Variants in UNC5D observed in about 807,000 individuals in gnomAD.
The protein encoded by UNC5D is netrin receptor UNC5D.
In UNC5D, 39 loss-of-function variants were observed where a neutral mutation model predicts 105.4. That is an observed-to-expected ratio of 0.37 (90% CI 0.29 to 0.48). The LOEUF is 0.48. Among genes scored for constraint, UNC5D ranks in the 20% least tolerant of loss-of-function variants. The pLI is 0.98. For synonymous variants in UNC5D, 452 were observed against 450.4 expected, an observed-to-expected ratio of 1.00 and a Z score of -0.04; for missense variants, 991 against 1,202.4, an observed-to-expected ratio of 0.82 and a Z score of 2.60.
intron 16 of UNC5D, among the ~76,000 whole-genome samples, chr8:35,789,487 G>A (rs1029278640): frequency 1.3e-4 from 19 of 151,878 alleles, no homozygotes; most frequent in Non-Finnish European, 2.1e-4. Context: ...GGTCTAGTGT[G>A]AGAGATTAGA....
intron 2 of UNC5D, among the ~76,000 whole-genome samples, chr8:35,561,271 C>T (rs757540642): frequency 5.7e-4 from 86 of 152,160 alleles, no homozygotes; most frequent in African/African-American, 1.5e-3. Context: ...GTACCAACAA[C>T]GCCACAGAGC....
In UNC5D at chr8:35,665,774, T is replaced by C. The variant is rs552933338; in HGVS notation, c.571-17773T>C. The stretch of plus-strand genomic sequence containing the variant: ...AATAATGTCGATGTAAATTATTGAA[T>C]TTATGAATTATCTGTGAGGATATAT... On this transcript the variant is annotated intron_variant, in intron 4 of 16. Transcript: ENST00000404895. Among the ~76,000 whole-genome samples, 9 of 152,064 alleles carry C rather than the reference T, an allele frequency of 5.9e-5. No individual in the cohort carries two copies. The South Asian group carries it at 1.9e-3, about 32-fold the overall frequency.
At chr8:35,434,174 G>C (rs948717835) in intron 1 of UNC5D, among the ~76,000 whole-genome samples, 1 of 151,904 alleles carries the variant, frequency 6.6e-6, no homozygotes, top group Non-Finnish European at 1.5e-5. Context: ...TGAAGTTTTG[G>C]CTCAAAATTG....
At chr8:35,751,853 G>C (rs1165176316) in intron 13 of UNC5D, among the ~76,000 whole-genome samples, 1 of 152,202 alleles carries the variant, frequency 6.6e-6, no homozygotes, top group Non-Finnish European at 1.5e-5. Flanking sequence ...AAACGGAGAA[G>C]AGTTTTTGGG....
At chr8:35,766,081 C>G (rs1164146096) in intron 14 of UNC5D, among the ~76,000 whole-genome samples, 1 of 152,102 alleles carries the variant, frequency 6.6e-6, no homozygotes, top group African/African-American at 2.4e-5. Flanking sequence ...AATGAGTAAT[C>G]TATAGATTTT....
At chr8:35,269,555 GT>G in intron 1 of UNC5D, among the ~76,000 whole-genome samples, 1 of 152,100 alleles carries the variant, frequency 6.6e-6, no homozygotes, top group Admixed American at 6.5e-5. Flanking sequence ...AAGTTTTCTC[GT>G]TTATCTTTCC....
At chr8:35,730,605 T>C (rs1029550824) in intron 10 of UNC5D, among the ~76,000 whole-genome samples, 1 of 152,184 alleles carries the variant, frequency 6.6e-6, no homozygotes, top group Non-Finnish European at 1.5e-5. Flanking sequence ...CATCATTTCA[T>C]GTAGGTTTTC....
chr8:35,422,048 A>G (rs1438958641), intron 1 of UNC5D, among the ~76,000 whole-genome samples: 1 of 152,132 alleles, frequency 6.6e-6, no homozygotes, highest in East Asian at 1.9e-4. Context: ...TTAACTCTGA[A>G]ATGATGTTTT....
chr8:35,522,562 T>C (rs1813561457), intron 1 of UNC5D, among the ~76,000 whole-genome samples: 1 of 152,212 alleles, frequency 6.6e-6, no homozygotes, highest in Admixed American at 6.5e-5. Context: ...AAGGCAACTT[T>C]GGGTTTAAGT....
At chr8:35,598,907 C>T (rs1484487686) in intron 4 of UNC5D, among the ~76,000 whole-genome samples, 1 of 152,022 alleles carries the variant, frequency 6.6e-6, no homozygotes, top group African/African-American at 2.4e-5. Flanking sequence ...CTTTGGGAGG[C>T]CAAGGCGGGT....
chr8:35,331,811 A>C (rs888609652), intron 1 of UNC5D, among the ~76,000 whole-genome samples: 1 of 152,200 alleles, frequency 6.6e-6, no homozygotes, highest in Non-Finnish European at 1.5e-5. Context: ...GACATCTGCC[A>C]AGTGCTTCTG....
At chr8:35,725,838 A>G (rs1828829417) in intron 9 of UNC5D, among the ~76,000 whole-genome samples, 1 of 152,212 alleles carries the variant, frequency 6.6e-6, no homozygotes, top group African/African-American at 2.4e-5. Context: ...ATAATCACAT[A>G]AACAATAATA....
At chr8:35,576,645 C>T (rs537539702) in intron 3 of UNC5D, among the ~76,000 whole-genome samples, 6 of 152,254 alleles carry the variant, frequency 3.9e-5, no homozygotes, top group African/African-American at 1.4e-4. Flanking sequence ...CAGAGTCTCA[C>T]TCTGTCACCC....
Position 35,795,388 on chromosome 8 carries a change from C to A in UNC5D, c.*4825C>A, listed in dbSNP as rs1173522635. On this transcript the variant is annotated 3_prime_UTR_variant, in exon 17 of 17. Transcript: ENST00000404895. ...TCAAGCACTGTTTACACTCAAATCC[C>A]AAAATTGGCCAAATTATATAATTCT... 1.3e-5 allele frequency: 2 copies of A among 152,102 alleles called. No individual in the cohort carries two copies. Among genetic ancestry groups the A allele is most frequent in the African/African-American group, 4.8e-5 (2 of 41,420 alleles). 9.4% of individuals were successfully genotyped at this position (152,102 alleles called of 1,614,324 possible). A position where few individuals can be genotyped will look rare whatever the true frequency, so the allele number is the denominator to read the frequency against.
At chr8:35,261,396 A>G (rs1406345084) in intron 1 of UNC5D, among the ~76,000 whole-genome samples, 1 of 152,220 alleles carries the variant, frequency 6.6e-6, no homozygotes, top group African/African-American at 2.4e-5. Context: ...TTTGCTGCTT[A>G]TAAAGGCAAA....
intron 8 of UNC5D, among the ~76,000 whole-genome samples, chr8:35,717,689 G>A (rs1828330225): frequency 6.6e-6 from 1 of 152,152 alleles, no homozygotes; most frequent in Non-Finnish European, 1.5e-5. Context: ...TGTAGAAAAG[G>A]TCATGGTAAT....
rs112007623 is a variant in UNC5D, at chr8:35,650,141, CA to C, written c.571-33400del. Among the ~76,000 whole-genome samples the C allele has an allele frequency of 3.8e-4, 58 of 151,982 alleles. 1 individual carries two copies. Among genetic ancestry groups the C allele is most frequent in the African/African-American group, 1.4e-3 (56 of 41,474 alleles). ...CAAAAAACAAACAAAAAACAAAAAA[CA>C]AAAAACAAAACACCCCACAACCACT... On this transcript the variant is annotated intron_variant, in intron 4 of 16. Transcript: ENST00000404895.
At chr8:35,376,016 T>C (rs2128928565) in intron 1 of UNC5D, among the ~76,000 whole-genome samples, 1 of 152,344 alleles carries the variant, frequency 6.6e-6, no homozygotes, top group South Asian at 2.1e-4. Context: ...ATCTGTATCT[T>C]ATGGTGCTGA....
intron 4 of UNC5D, among the ~76,000 whole-genome samples, chr8:35,628,107 C>CTTTA (rs539768361): frequency 6.6e-5 from 10 of 150,560 alleles, no homozygotes; most frequent in Non-Finnish European, 1.2e-4. Context: ...TAAGAAAGCT[C>CTTTA]TTTATTTATT....
Sources: gnomAD v4.1 joint callset for allele counts (sites outside exome capture counted in the v4.1 genomes callset) on GRCh38, gnomAD v4.1.1 for gene constraint, MANE v1.5 for transcripts, NCBI Gene and HGNC (gene_info 2026-07-23, HGNC 2026-07-21) for gene names.